GRID1: variants seen among roughly 807,000 people sequenced by gnomAD.
GRID1 encodes glutamate receptor ionotropic, delta-1.
Under a neutral mutation model 98.0 loss-of-function variants are expected in GRID1, and 28 were observed. The ratio of observed to expected loss-of-function variants is 0.29; its 90% CI spans 0.21 to 0.39. The LOEUF (loss-of-function observed/expected upper bound fraction) is 0.39, where lower values mean the gene tolerates loss of function less well. Among genes scored for constraint, GRID1 ranks in the 10% least tolerant of loss-of-function variants. The pLI is 1.00. For missense variants in GRID1, 1,111 were observed against 1,340.5 expected (o/e 0.83, Z 2.67); for synonymous variants, 553 against 538.5 (o/e 1.03, Z -0.37).
At chr10:85,835,403 G>A (rs912088739) in intron 8 of GRID1, among the ~76,000 whole-genome samples, 1 of 152,308 alleles carries the variant, frequency 6.6e-6, no homozygotes, top group East Asian at 1.9e-4. Context: ...ATAATTGAAC[G>A]ATGGGGGCAA....
At chr10:86,085,159 G>C (rs568764868) in intron 4 of GRID1, among the ~76,000 whole-genome samples, 4 of 152,312 alleles carry the variant, frequency 2.6e-5, no homozygotes, top group Non-Finnish European at 5.9e-5. Context: ...CCCCAGACAT[G>C]GGAGGGCAGA....
chr10:85,710,864 C>A lies in GRID1; in HGVS notation c.1997+12139G>T, dbSNP rs537613172. The stretch of plus-strand genomic sequence containing the variant: ...TTGACAATAAACACATACAAATGCA[C>A]AAAATTTTAAATTGTGGAAATGCAA... On this transcript the variant is annotated intron_variant, in intron 12 of 15. Transcript: ENST00000327946. Among the ~76,000 whole-genome samples, 21 of 151,920 alleles carry A rather than the reference C, an allele frequency of 1.4e-4. No individual in the cohort carries two copies. In the East Asian group the frequency reaches 3.7e-3, roughly 27 times the overall value.
chr10:85,744,694 T>A (rs1841981741), intron 8 of GRID1, among the ~76,000 whole-genome samples: 1 of 66,646 alleles, frequency 1.5e-5, no homozygotes, highest in African/African-American at 6.6e-5. Context: ...CCAAAAGCAA[T>A]GGCAACAAAA....
chr10:85,643,798 G>C (rs1350478427), intron 13 of GRID1, among the ~76,000 whole-genome samples: 1 of 151,842 alleles, frequency 6.6e-6, no homozygotes, highest in African/African-American at 2.4e-5. Context: ...ATAAAATGAA[G>C]GTACCATAAA....
chr10:86,265,272 C>T (rs1040624301), intron 2 of GRID1, among the ~76,000 whole-genome samples: 6 of 152,260 alleles, frequency 3.9e-5, no homozygotes, highest in African/African-American at 1.4e-4. Context: ...CTTGTCCTGC[C>T]TTTGTCCCAT....
Position 86,195,382 on chromosome 10 carries a change from G to A in GRID1, c.520+10982C>T, listed in dbSNP as rs1845858447. Among the ~76,000 whole-genome samples, 1 of 152,114 alleles carries A rather than the reference G, an allele frequency of 6.6e-6. No homozygotes were observed. The highest frequency in any genetic ancestry group is 2.1e-4 in the South Asian group (1 of 4,832). ...TCTGCTTCCTCCCACCCTGTAACCT[G>A]TGGCTGCCAGAATAGCATGACCACA... On this transcript the variant is annotated intron_variant, in intron 3 of 15. Transcript: ENST00000327946. This position sits in a 1 kb window ranked among gnomAD's most constrained non-coding sequence, Gnocchi z 4.4.
chr10:86,248,690 A>G (rs1002838997), intron 2 of GRID1, among the ~76,000 whole-genome samples: 4 of 149,796 alleles, frequency 2.7e-5, no homozygotes, highest in African/African-American at 9.9e-5. Context: ...CTCCTACTTC[A>G]GCCTCCTGAG....
chr10:86,118,111 T>C (rs572053017), intron 4 of GRID1, among the ~76,000 whole-genome samples: 18 of 152,188 alleles, frequency 1.2e-4, no homozygotes, highest in African/African-American at 2.4e-4. Flanking sequence ...GATAGATATA[T>C]ATACACACAC....
chr10:86,215,043 A>C (rs1163192329), intron 2 of GRID1, among the ~76,000 whole-genome samples: 1 of 152,186 alleles, frequency 6.6e-6, no homozygotes, highest in Non-Finnish European at 1.5e-5. Context: ...CCTTAAAGCC[A>C]ACACTCCTTC....
chr10:86,229,902 G>C (rs2132035211), intron 2 of GRID1, among the ~76,000 whole-genome samples: 1 of 152,314 alleles, frequency 6.6e-6, no homozygotes, highest in South Asian at 2.1e-4. Flanking sequence ...ATAGAGTCCT[G>C]TCCTCAGGCA....
At chr10:86,099,361 G>C (rs1282621318) in intron 4 of GRID1, among the ~76,000 whole-genome samples, 1 of 152,124 alleles carries the variant, frequency 6.6e-6, no homozygotes, top group Non-Finnish European at 1.5e-5. Context: ...ATCCTGATGA[G>C]CACTGGAAAT....
chr10:85,772,066 T>C (rs1246091162), intron 8 of GRID1, among the ~76,000 whole-genome samples: 2 of 152,100 alleles, frequency 1.3e-5, no homozygotes, highest in Non-Finnish European at 2.9e-5. Context: ...GACCACATAG[T>C]TGGAAGGAGA....
chr10:86,103,061 G>A (rs967960870), intron 4 of GRID1, among the ~76,000 whole-genome samples: 2 of 152,270 alleles, frequency 1.3e-5, no homozygotes, highest in Middle Eastern at 6.8e-3. Context: ...GTGGAACTGT[G>A]AATCCATTTA....
At chr10:86,077,996 A>C (rs1398718919) in intron 4 of GRID1, among the ~76,000 whole-genome samples, 2 of 152,240 alleles carry the variant, frequency 1.3e-5, no homozygotes, top group Admixed American at 6.5e-5. Context: ...TCAGGAGCCA[A>C]CATCCTGATG....
Position 86,178,803 on chromosome 10 carries a change from C to T in GRID1, c.520+27561G>A, listed in dbSNP as rs1332801120. Among the ~76,000 whole-genome samples, 33 of 152,120 alleles carry T rather than the reference C, an allele frequency of 2.2e-4. 2 individuals are homozygous for T. Among genetic ancestry groups the T allele is most frequent in the Admixed American group, 2.2e-3 (33 of 15,280 alleles). On this transcript the variant is annotated intron_variant, in intron 3 of 15. Transcript: ENST00000327946. Reference sequence around the variant, plus strand: ...CCTCCCTGCTTGATTCGGAGTGAGACCATTTAGCCCAGAGACCCTCAAAGC... The same window carrying T: ...CCTCCCTGCTTGATTCGGAGTGAGATCATTTAGCCCAGAGACCCTCAAAGC...
chr10:85,823,678 A>T (rs1842793283), intron 8 of GRID1, among the ~76,000 whole-genome samples: 3 of 152,094 alleles, frequency 2.0e-5, no homozygotes. Context: ...AAAAAAAACT[A>T]TATCTAAATA....
At chr10:85,872,963 C>T (rs1843292957) in intron 5 of GRID1, among the ~76,000 whole-genome samples, 1 of 152,208 alleles carries the variant, frequency 6.6e-6, no homozygotes, top group African/African-American at 2.4e-5. Flanking sequence ...AGCTTCCCCA[C>T]TTCCTTGGGG....
intron 4 of GRID1, among the ~76,000 whole-genome samples, chr10:86,087,150 C>G (rs1159709117): frequency 1.3e-5 from 2 of 152,206 alleles, no homozygotes; most frequent in Non-Finnish European, 2.9e-5. Flanking sequence ...GCTATACACA[C>G]TTATACACAC....
intron 4 of GRID1, among the ~76,000 whole-genome samples, chr10:86,067,107 C>T (rs893892167): frequency 6.6e-6 from 1 of 152,228 alleles, no homozygotes; most frequent in Admixed American, 6.5e-5. Context: ...GATGCCTTCG[C>T]CATCTAATGT....
Sources: allele counts gnomAD v4.1 joint callset (sites outside exome capture counted in the v4.1 genomes callset), GRCh38; gene constraint gnomAD v4.1.1; non-coding constraint Gnocchi (gnomAD v3.1); transcripts MANE v1.5; gene names NCBI Gene and HGNC (gene_info 2026-07-23, HGNC 2026-07-21).